Variants in VPS13B observed in about 807,000 individuals in gnomAD.
VPS13B encodes the protein vacuolar protein sorting 13 homolog B, also known as intermembrane lipid transfer protein VPS13B.
A neutral mutation model predicts 426.4 loss-of-function variants in VPS13B; 285 were observed. The observed-to-expected ratio is 0.67, with a 90% CI of 0.61 to 0.74. The LOEUF (loss-of-function observed/expected upper bound fraction) is 0.74. Ranked by LOEUF, VPS13B falls within the 30% of genes least tolerant of loss-of-function variation. The probability of loss-of-function intolerance (pLI) is 0.00; values close to 1 mark genes in which losing one functional copy is unlikely to be tolerated. For synonymous variants in VPS13B, 1,676 were observed against 1,676.4 expected, an observed-to-expected ratio of 1.00 and a Z score of 0.01; for missense variants, 4,537 against 4,782.6, an observed-to-expected ratio of 0.95 and a Z score of 1.51.
At chr8:99,340,527 G>A (rs1292011338) in intron 19 of VPS13B, 1 of 481,328 alleles carries the variant, frequency 2.1e-6, no homozygotes, top group Non-Finnish European at 4.2e-6. Context: ...CCCCATAAAT[G>A]TGAAGGGGGT....
intron 35 of VPS13B, among the ~76,000 whole-genome samples, chr8:99,675,601 T>A (rs973632443): frequency 1.6e-4 from 25 of 152,156 alleles, no homozygotes; most frequent in African/African-American, 6.0e-4. Flanking sequence ...ACCCTTTTGA[T>A]GCTGTCCCAT....
At chr8:99,604,340 C>A (rs1827467884) in intron 33 of VPS13B, among the ~76,000 whole-genome samples, 1 of 151,868 alleles carries the variant, frequency 6.6e-6, no homozygotes, top group Non-Finnish European at 1.5e-5. Context: ...TTATTAATTG[C>A]AGTTCATATT....
Position 99,384,331 on chromosome 8 carries a change from A to C in VPS13B, c.2934+14A>C. 2 of 1,599,696 alleles carry C rather than the reference A, an allele frequency of 1.3e-6. No homozygotes were observed. The highest frequency in any genetic ancestry group is 1.7e-4 in the Middle Eastern group (1 of 6,036). ...CATATGCAACAGGTAAGAGATTTTT[A>C]AATAATTTTTTCTGTTAACAAATAT... On this transcript the variant is annotated intron_variant, in intron 20 of 61. Transcript: ENST00000357162.
intron 32 of VPS13B, among the ~76,000 whole-genome samples, chr8:99,576,475 C>T (rs1436873342): frequency 2.0e-5 from 3 of 151,214 alleles, no homozygotes; most frequent in African/African-American, 7.3e-5. Context: ...ATACAGAGAA[C>T]TTGTGGAGGA....
chr8:99,509,168 A>G (rs1451835159), intron 28 of VPS13B, among the ~76,000 whole-genome samples: 2 of 152,170 alleles, frequency 1.3e-5, no homozygotes. Flanking sequence ...CACTGGGGGT[A>G]TACCTTAACA....
chr8:99,520,933 G>A lies in VPS13B; in HGVS notation c.4668G>A (p.Leu1556=), dbSNP rs1322804531. The A allele has an allele frequency of 1.2e-6, 2 of 1,613,656 alleles. No individual in the cohort carries two copies. The highest frequency in any genetic ancestry group is 2.2e-5 in the East Asian group (1 of 44,870). Residue 1556 remains leucine (L), a synonymous_variant, in exon 30 of 62, where the codon TTG becomes TTA. Transcript: ENST00000357162. ...CAGCAAAAGAAGACACTGTGGTTTT[G>A]AAGATTGGCTCTGTTGCCATGGCTC... ...NQAAKEDTVV[L]KIGSVAMAPQ...
chr8:99,018,821 A>G (rs1280623389), intron 2 of VPS13B, among the ~76,000 whole-genome samples: 1 of 152,192 alleles, frequency 6.6e-6, no homozygotes, highest in African/African-American at 2.4e-5. Context: ...ATTTGATCAA[A>G]TATTACACTT....
At chr8:99,171,325 A>T (rs1217497200) in intron 16 of VPS13B, among the ~76,000 whole-genome samples, 3 of 151,978 alleles carry the variant, frequency 2.0e-5, no homozygotes, top group African/African-American at 7.2e-5. Flanking sequence ...AAACTGGGAT[A>T]TGTCACAGTT....
chr8:99,595,145 G>A (rs1826940258), intron 33 of VPS13B, among the ~76,000 whole-genome samples: 1 of 151,862 alleles, frequency 6.6e-6, no homozygotes, highest in African/African-American at 2.4e-5. Context: ...ATCCTATATT[G>A]AGTGCCCTAT....
chr8:99,369,423 A>T lies in VPS13B; in HGVS notation c.2825-14785A>T, dbSNP rs531141252. ...ATATCCGCAAGGCATAGGAGTAGAG[A>T]ACACCTTGATTGATAATCCCAATAA... On this transcript the variant is annotated intron_variant, in intron 19 of 61. Transcript: ENST00000357162. Among the ~76,000 whole-genome samples, 3 of 152,326 alleles carry T rather than the reference A, an allele frequency of 2.0e-5. No homozygotes were observed. In the South Asian group the frequency reaches 6.2e-4, roughly 32 times the overall value.
chr8:99,304,196 G>A (rs758696958), intron 19 of VPS13B, among the ~76,000 whole-genome samples: 1 of 152,066 alleles, frequency 6.6e-6, no homozygotes, highest in African/African-American at 2.4e-5. Flanking sequence ...AAAGCATTTA[G>A]AATAAGATTT....
chr8:99,546,349 A>G (rs1161614188), intron 30 of VPS13B, among the ~76,000 whole-genome samples: 3 of 151,914 alleles, frequency 2.0e-5, no homozygotes, highest in East Asian at 3.9e-4. Flanking sequence ...GAAGTCTTAC[A>G]GTTTTTCATC....
chr8:99,459,064 A>G (rs907417206), intron 23 of VPS13B, among the ~76,000 whole-genome samples: 6 of 152,316 alleles, frequency 3.9e-5, no homozygotes, highest in Admixed American at 1.3e-4. Flanking sequence ...TCTAACATTT[A>G]AGTCCATTGT....
chr8:99,592,627 C>T (rs936424942), intron 33 of VPS13B, among the ~76,000 whole-genome samples: 12 of 152,166 alleles, frequency 7.9e-5, no homozygotes, highest in African/African-American at 2.6e-4. Context: ...GCAAAAAGAG[C>T]AAAGCTGGAG....
rs187859371 is a variant in VPS13B at position 99,556,739 on chromosome 8, A to G, written c.4949+86A>G. 7.8e-6 allele frequency: 11 copies of G among 1,418,576 alleles called. No individual in the cohort carries two copies. The African/African-American group carries it at 1.4e-4, about 18-fold the overall frequency. The allele number at this position is 1,418,576 out of a possible 1,614,324, so 87.9% of individuals were successfully genotyped here. A position where few individuals can be genotyped will look rare whatever the true frequency, so the allele number is the denominator to read the frequency against. On this transcript the variant is annotated intron_variant, in intron 31 of 61. Transcript: ENST00000357162. ...GATACAATCTTTAGCATGTCCAACCAACCTAAGTATTTTGGTATTGCTTCT... is the reference window on the plus strand; with the variant it reads ...GATACAATCTTTAGCATGTCCAACCGACCTAAGTATTTTGGTATTGCTTCT...
At chr8:99,759,879 C>G (rs558512845) in intron 39 of VPS13B, among the ~76,000 whole-genome samples, 27 of 152,308 alleles carry the variant, frequency 1.8e-4, no homozygotes, top group African/African-American at 5.3e-4. Context: ...ACCAACCATA[C>G]TCTCAGCTAT....
At chr8:99,079,258 G>A (rs985435259) in intron 3 of VPS13B, among the ~76,000 whole-genome samples, 1 of 152,090 alleles carries the variant, frequency 6.6e-6, no homozygotes, top group African/African-American at 2.4e-5. Flanking sequence ...GGTGGTGGCA[G>A]GTGGGGTGGT....
intron 8 of VPS13B, among the ~76,000 whole-genome samples, chr8:99,127,495 G>A (rs1848234879): frequency 6.6e-6 from 1 of 152,010 alleles, no homozygotes; most frequent in Admixed American, 6.6e-5. Flanking sequence ...AATTTGCTCA[G>A]GCTTAACATT....
intron 39 of VPS13B, among the ~76,000 whole-genome samples, chr8:99,735,881 A>G (rs1833805881): frequency 6.6e-6 from 1 of 152,190 alleles, no homozygotes; most frequent in Non-Finnish European, 1.5e-5. Flanking sequence ...CAACTTCCAG[A>G]TCACCACTGA....
Sources: gnomAD v4.1 joint callset for allele counts (sites outside exome capture counted in the v4.1 genomes callset) on GRCh38, gnomAD v4.1.1 for gene constraint, MANE v1.5 for transcripts, NCBI Gene and HGNC (gene_info 2026-07-23, HGNC 2026-07-21) for gene names.